The following CSMD1 variants were observed in gnomAD, a reference collection of about 807,000 sequenced individuals.
The protein encoded by CSMD1 is CUB and sushi domain-containing protein 1.
Under a neutral mutation model 417.5 loss-of-function variants are expected in CSMD1, and 213 were observed. That is an observed-to-expected ratio of 0.51 (90% CI 0.46 to 0.57). CSMD1 has a LOEUF of 0.57. CSMD1 is among the 20% of genes least tolerant of loss of function. The pLI, the probability that CSMD1 is intolerant of heterozygous loss-of-function variation, is 0.00. For missense variants in CSMD1, 6,923 were observed against 4,529.7 expected, an observed-to-expected ratio of 1.53 and a Z score of -15.17; for synonymous variants, 2,862 against 1,736.8, an observed-to-expected ratio of 1.65 and a Z score of -16.11.
In CSMD1 at chr8:3,548,210, A is replaced by G. The variant is rs113721434; in HGVS notation, c.1344+26735T>C. On this transcript the variant is annotated intron_variant, in intron 10 of 69. Transcript: ENST00000635120. Reference sequence around the variant, plus strand: ...GATTCCTTTGCCTTCCTCAAGCCACAAGGGCTGATGGAGCCATCTCAGTGC... The same window carrying G: ...GATTCCTTTGCCTTCCTCAAGCCACGAGGGCTGATGGAGCCATCTCAGTGC... 5.1e-3 allele frequency among the ~76,000 whole-genome samples: 770 copies of G among 152,274 alleles called. 6 individuals are homozygous for G. Among genetic ancestry groups the G allele is most frequent in the African/African-American group, 0.018 (735 of 41,552 alleles).
intron 2 of CSMD1, among the ~76,000 whole-genome samples, chr8:4,626,046 G>C (rs552261146): frequency 5.3e-5 from 8 of 152,208 alleles, no homozygotes; most frequent in African/African-American, 1.7e-4. Context: ...TTTTTGATGG[G>C]ACTATCACGG....
chr8:4,106,454 C>T (rs1476868914), intron 3 of CSMD1, among the ~76,000 whole-genome samples: 6 of 152,140 alleles, frequency 3.9e-5, no homozygotes, highest in Admixed American at 3.9e-4. Context: ...ACACCAAACT[C>T]TCAGCTTTCA....
chr8:3,754,272 T>C (rs1236072848), intron 5 of CSMD1, among the ~76,000 whole-genome samples: 1 of 152,310 alleles, frequency 6.6e-6, no homozygotes, highest in Middle Eastern at 3.4e-3. Context: ...AAATATTTGA[T>C]ACTTTCATTC....
chr8:4,401,892 G>T (rs996965970), intron 3 of CSMD1, among the ~76,000 whole-genome samples: 3 of 151,798 alleles, frequency 2.0e-5, no homozygotes, highest in African/African-American at 7.3e-5. Flanking sequence ...CTGTCTTCAG[G>T]TTACTCACAT....
At chr8:4,060,975 C>G (rs1299399787) in intron 3 of CSMD1, among the ~76,000 whole-genome samples, 1 of 152,148 alleles carries the variant, frequency 6.6e-6, no homozygotes, top group Non-Finnish European at 1.5e-5. Flanking sequence ...AGAGATAAGA[C>G]AAGCTGCTTG....
intron 5 of CSMD1, among the ~76,000 whole-genome samples, chr8:3,950,868 C>A (rs1466242966): frequency 1.3e-5 from 2 of 151,762 alleles, no homozygotes; most frequent in African/African-American, 4.8e-5. Context: ...GATTAAATTT[C>A]ATTTTATTTC....
chr8:4,877,899 G>C (rs1803148273), intron 1 of CSMD1, among the ~76,000 whole-genome samples: 1 of 152,056 alleles, frequency 6.6e-6, no homozygotes, highest in African/African-American at 2.4e-5. Context: ...ACATCATTGA[G>C]AAGGAAATTT....
intron 2 of CSMD1, among the ~76,000 whole-genome samples, chr8:4,450,883 A>G (rs1000557848): frequency 6.6e-6 from 1 of 152,146 alleles, no homozygotes; most frequent in East Asian, 1.9e-4. Flanking sequence ...TTCCAACCAG[A>G]TTGCGCTAAT....
chr8:4,984,461 G>A (rs1403469873), intron 1 of CSMD1, among the ~76,000 whole-genome samples: 1 of 152,202 alleles, frequency 6.6e-6, no homozygotes, highest in South Asian at 2.1e-4. Context: ...GAGCATCAGT[G>A]TTTATAGGAC....
intron 1 of CSMD1, among the ~76,000 whole-genome samples, chr8:4,699,687 T>A (rs1807388669): frequency 6.6e-6 from 1 of 152,214 alleles, no homozygotes; most frequent in Admixed American, 6.5e-5. Context: ...TCCGTACATA[T>A]GATTTTTAAA....
chr8:4,300,297 G>A (rs1797910110), intron 3 of CSMD1, among the ~76,000 whole-genome samples: 1 of 152,056 alleles, frequency 6.6e-6, no homozygotes, highest in Admixed American at 6.6e-5. Flanking sequence ...GCACAGATGG[G>A]GAAATATGAG....
chr8:4,615,111 A>G (rs940220212), intron 2 of CSMD1, among the ~76,000 whole-genome samples: 2 of 152,210 alleles, frequency 1.3e-5, no homozygotes, highest in Admixed American at 1.3e-4. Flanking sequence ...CTGTAACTGC[A>G]TGACACAAAA....
chr8:4,090,561 A>AAACT, intron 3 of CSMD1, among the ~76,000 whole-genome samples: 1 of 152,344 alleles, frequency 6.6e-6, no homozygotes, highest in Non-Finnish European at 1.5e-5. Context: ...TTTACAACAG[A>AAACT]AACTAAAATA....
chr8:3,139,338 A>T (rs1386133109), intron 41 of CSMD1, among the ~76,000 whole-genome samples: 2 of 152,184 alleles, frequency 1.3e-5, no homozygotes. Flanking sequence ...AGAAGTGGTC[A>T]AGGAAGCAAA....
intron 2 of CSMD1, among the ~76,000 whole-genome samples, chr8:4,567,337 G>C (rs1798661023): frequency 6.6e-6 from 1 of 152,242 alleles, no homozygotes; most frequent in Non-Finnish European, 1.5e-5. Context: ...AAACAAACAA[G>C]AACAAGTGAA....
chr8:2,977,694 A>AC (rs1805049986), intron 55 of CSMD1, among the ~76,000 whole-genome samples: 4 of 152,228 alleles, frequency 2.6e-5, no homozygotes, highest in Non-Finnish European at 5.9e-5. Context: ...ACAAAGGTCT[A>AC]ATATCCAGAA....
rs146388532 is a variant in CSMD1 at position 3,560,730 on chromosome 8, A to C, written c.1344+14215T>G. 1.8e-3 allele frequency among the ~76,000 whole-genome samples: 274 copies of C among 152,304 alleles called. 1 individual carries two copies. Among genetic ancestry groups the C allele is most frequent in the Middle Eastern group, 6.8e-3 (2 of 294 alleles). ...TTTTGACATAAATTAGTGGAACCTA[A>C]TTATCACTAGCAGCCTTTCAGGAGA... On this transcript the variant is annotated intron_variant, in intron 10 of 69. Coordinates refer to ENST00000635120, the MANE Select transcript of CSMD1 (RefSeq NM_033225.6).
At chr8:3,503,832 TG>T (rs1796709822) in intron 10 of CSMD1, among the ~76,000 whole-genome samples, 1 of 122,006 alleles carries the variant, frequency 8.2e-6, no homozygotes, top group African/African-American at 3.0e-5. Flanking sequence ...CATCCCCCCT[TG>T]CCCCCCCCCA....
Position 3,815,885 on chromosome 8 carries a change from C to G in CSMD1, c.819-61843G>C, listed in dbSNP as rs182259972. Among the ~76,000 whole-genome samples the G allele has an allele frequency of 7.9e-5, 12 of 152,246 alleles. No individual in the cohort carries two copies. The East Asian group carries it at 2.3e-3, about 29-fold the overall frequency. On this transcript the variant is annotated intron_variant, in intron 5 of 69. Transcript: ENST00000635120. ...CCAGTGATGCTCCAGACTTGTTACACTAAATTATCATCAAGAGTAAATAGA... is the reference window on the plus strand; with the variant it reads ...CCAGTGATGCTCCAGACTTGTTACAGTAAATTATCATCAAGAGTAAATAGA...
Sources: allele counts gnomAD v4.1 joint callset (sites outside exome capture counted in the v4.1 genomes callset), GRCh38; gene constraint gnomAD v4.1.1; transcripts MANE v1.5; gene names NCBI Gene and HGNC (gene_info 2026-07-23, HGNC 2026-07-21).